Variants in ABCA13 observed in about 807,000 individuals in gnomAD.
ABCA13 encodes ATP-binding cassette sub-family A member 13.
Under a neutral mutation model 478.7 loss-of-function variants are expected in ABCA13, and 476 were observed. The ratio of observed to expected loss-of-function variants is 0.99; its 90% confidence interval spans 0.92 to 1.07. The LOEUF is 1.07. Among genes scored for constraint, ABCA13 ranks in the 50% least tolerant of loss-of-function variants. The probability of loss-of-function intolerance (pLI) is 0.00; values close to 1 mark genes in which losing one functional copy is unlikely to be tolerated. For synonymous variants in ABCA13, 2,252 were observed against 2,158.9 expected (o/e 1.04, Z -1.20); for missense variants, 6,060 against 5,910.6 (o/e 1.03, Z -0.83).
At chr7:48,579,684 T>G (rs1005920418) in intron 55 of ABCA13, among the ~76,000 whole-genome samples, 1 of 152,134 alleles carries the variant, frequency 6.6e-6, no homozygotes, top group African/African-American at 2.4e-5. Flanking sequence ...CTCAAGGAGC[T>G]GCCCAGATGA....
At chr7:48,229,276 C>A (rs1019213342) in intron 6 of ABCA13, among the ~76,000 whole-genome samples, 1 of 152,070 alleles carries the variant, frequency 6.6e-6, no homozygotes, top group Non-Finnish European at 1.5e-5. Context: ...TATGTAGATT[C>A]TCCCTCCCCA....
intron 56 of ABCA13, among the ~76,000 whole-genome samples, chr7:48,583,206 G>C (rs6946184): frequency 0.095 from 14,443 of 152,148 alleles, 1,169 homozygotes; most frequent in African/African-American, 0.22. Context: ...CTTATCTTCT[G>C]TAAAGACATG....
At chr7:48,399,495 G>T (rs964238422) in intron 38 of ABCA13, among the ~76,000 whole-genome samples, 2 of 152,186 alleles carry the variant, frequency 1.3e-5, no homozygotes, top group South Asian at 4.1e-4. Context: ...GCACAGAAGG[G>T]ATTATAAAGT....
At chr7:48,408,576 T>C (rs1443804585) in intron 39 of ABCA13, among the ~76,000 whole-genome samples, 1 of 152,236 alleles carries the variant, frequency 6.6e-6, no homozygotes, top group Non-Finnish European at 1.5e-5. Context: ...TGCATCTTTT[T>C]TTTAATGTAT....
chr7:48,410,644 T>C lies in ABCA13; in HGVS notation c.12195T>C (p.Tyr4065=), dbSNP rs774547669. The C allele has an allele frequency of 3.9e-5, 63 of 1,613,866 alleles. No homozygotes were observed. The highest frequency in any genetic ancestry group is 5.2e-5 in the Non-Finnish European group (61 of 1,179,878). The change falls in exon 40 of 62, where the codon TAT becomes TAC. Residue 4065 remains tyrosine (Y), a synonymous_variant. Coordinates refer to ENST00000435803, the MANE Select transcript of ABCA13 (RefSeq NM_152701.5). ...CGPPFCLKEA[Y]GQGLRLTLTR... ...CTCCCTTCTGCCTGAAGGAGGCATATGGCCAGGGGCTCCGCCTGACACTCA... is the reference window on the plus strand; with the variant it reads ...CTCCCTTCTGCCTGAAGGAGGCATACGGCCAGGGGCTCCGCCTGACACTCA...
chr7:48,473,714 G>A lies in ABCA13; in HGVS notation c.12975+2115G>A, dbSNP rs115754572. 5.9e-3 allele frequency among the ~76,000 whole-genome samples: 898 copies of A among 152,292 alleles called. 11 individuals carry two copies. Among genetic ancestry groups the A allele is most frequent in the African/African-American group, 0.021 (856 of 41,546 alleles). ...AGAAATGATTGCTTAGCCCAAGGGG[G>A]ATGGGGTGGAGTGTGACTGCTATCT... On this transcript the variant is annotated intron_variant, in intron 45 of 61. Coordinates refer to ENST00000435803, the MANE Select transcript of ABCA13 (RefSeq NM_152701.5).
chr7:48,506,458 G>T (rs1220651723), intron 49 of ABCA13, 68 bp downstream of exon 49: 1 of 1,557,500 alleles, frequency 6.4e-7, no homozygotes, highest in Admixed American at 1.7e-5. Flanking sequence ...GTTACTTAGG[G>T]ATGACTTTGG....
In ABCA13 at chr7:48,274,629, G is replaced by A. The variant is rs1237623251; in HGVS notation, c.4963G>A (p.Gly1655Ser). 10 of 1,613,956 alleles carry A rather than the reference G, an allele frequency of 6.2e-6. No homozygotes were observed. In the East Asian group the frequency reaches 2.2e-4, roughly 36 times the overall value. Residue 1655 changes from glycine to serine, a missense_variant, in exon 17 of 62, where the codon GGT (glycine) becomes AGT (serine). Gly to Ser is a moderately conservative substitution (Grantham distance 56). Coordinates refer to ENST00000435803, the MANE Select transcript of ABCA13 (RefSeq NM_152701.5). ...TCATCACACTAGTCCACAAAATGCA[G>A]GTTATATGCAAGCTTTGAAGAAGGT... ...VVHHTSPQNA[G>S]YMQALKKVTS...
chr7:48,340,069 A>G (rs1443305378), intron 29 of ABCA13, among the ~76,000 whole-genome samples: 1 of 152,122 alleles, frequency 6.6e-6, no homozygotes, highest in African/African-American at 2.4e-5. Context: ...TATTTGCCCA[A>G]TCATGCTGTC....
intron 59 of ABCA13, 22 bp from the exon 60 acceptor site, chr7:48,643,266 T>C (rs1795229425): frequency 6.7e-7 from 1 of 1,496,180 alleles, no homozygotes; most frequent in East Asian, 2.3e-5. Context: ...ATAATCATGT[T>C]TCTATTTTAT....
At chr7:48,267,682 C>G (rs1190952545) in intron 15 of ABCA13, among the ~76,000 whole-genome samples, 3 of 152,052 alleles carry the variant, frequency 2.0e-5, no homozygotes, top group African/African-American at 7.2e-5. Flanking sequence ...GTTACTTTTG[C>G]ATCAACCTAA....
intron 1 of ABCA13, among the ~76,000 whole-genome samples, chr7:48,184,593 G>A (rs1217720266): frequency 6.6e-6 from 1 of 152,114 alleles, no homozygotes; most frequent in African/African-American, 2.4e-5. Context: ...GCTGAGGTGG[G>A]CAGATCACTT....
chr7:48,239,108 A>T (rs771902123), intron 8 of ABCA13, 133 bp from the exon 9 acceptor site: 1 of 899,064 alleles, frequency 1.1e-6, no homozygotes, highest in Non-Finnish European at 1.7e-6. Context: ...AATCACATAG[A>T]TATCATCACT....
At position 48,212,655 on chromosome 7, in the gene ABCA13, G is replaced by A. The variant is rs1785847257; in HGVS notation, c.288-6699G>A. 3.3e-5 allele frequency among the ~76,000 whole-genome samples: 5 copies of A among 152,204 alleles called. No individual in the cohort carries two copies. The South Asian group carries it at 1.0e-3, about 32-fold the overall frequency. ...TACTGTTGTATTGTGCTTTCTAATT[G>A]TAGTTTTAATTTACATTTTCTTGAT... On this transcript the variant is annotated intron_variant, in intron 3 of 61. Transcript: ENST00000435803.
rs764189018 is a variant in ABCA13 at position 48,279,064 on chromosome 7, T to C, written c.7870T>C (p.Tyr2624His). 9 of 1,612,890 alleles carry C rather than the reference T, an allele frequency of 5.6e-6. No individual in the cohort carries two copies. Among genetic ancestry groups the C allele is most frequent in the Non-Finnish European group, 7.6e-6 (9 of 1,179,802 alleles). The change falls in exon 18 of 62, where the codon TAT becomes CAT. Residue 2624 changes from tyrosine (Y) to histidine (H), a missense_variant. Around this residue, in one of 3 missense-constraint regions of ABCA13, gnomAD observed 4,423 missense variants for 4,309.1 expected, o/e 1.03. Coordinates refer to ENST00000435803, the MANE Select transcript of ABCA13 (RefSeq NM_152701.5). The stretch of plus-strand genomic sequence containing the variant: ...CAGTATGTCACCTAGCATACTCTCA[T>C]ATATGAACCAATCTAAGGACTTTTC... ...IFSMSPSILS[Y>H]MNQSKDFSDI...
intron 23 of ABCA13, among the ~76,000 whole-genome samples, chr7:48,305,883 C>A (rs1027542496): frequency 2.4e-4 from 36 of 152,158 alleles, no homozygotes; most frequent in African/African-American, 8.0e-4. Flanking sequence ...CACTGACACA[C>A]AGGAAAATCA....
intron 31 of ABCA13, among the ~76,000 whole-genome samples, chr7:48,364,537 A>G (rs1811373335): frequency 6.6e-6 from 1 of 152,146 alleles, no homozygotes. Flanking sequence ...TGTACACACT[A>G]AACAACCTCT....
At chr7:48,642,230 T>TGAA in intron 59 of ABCA13, among the ~76,000 whole-genome samples, 1 of 152,096 alleles carries the variant, frequency 6.6e-6, no homozygotes, top group East Asian at 1.9e-4. Context: ...ACAAGGGTGA[T>TGAA]CTATGTCACT....
At chr7:48,554,686 CTTTAA>C (rs1227182841) in intron 55 of ABCA13, among the ~76,000 whole-genome samples, 2 of 151,558 alleles carry the variant, frequency 1.3e-5, no homozygotes, top group Non-Finnish European at 3.0e-5. Context: ...TATCTTGAAA[CTTTAA>C]TTTGTTTATC....
Sources: allele counts gnomAD v4.1 joint callset (sites outside exome capture counted in the v4.1 genomes callset), GRCh38; gene constraint gnomAD v4.1.1; regional missense constraint gnomAD v4.1.1; transcripts MANE v1.5; gene names NCBI Gene and HGNC (gene_info 2026-07-23, HGNC 2026-07-21).